The following PTCHD4 variants were observed in gnomAD, a reference collection of about 807,000 sequenced individuals.
PTCHD4 encodes patched domain-containing protein 4.
PTCHD4 carries 33 observed loss-of-function variants against 58.1 expected under a neutral mutation model. The ratio of observed to expected loss-of-function variants is 0.57; its 90% CI spans 0.43 to 0.76. The LOEUF is 0.76. Ranked by LOEUF, PTCHD4 falls within the 30% of genes least tolerant of loss-of-function variation. PTCHD4 has a pLI of 0.00. For missense variants in PTCHD4, 1,058 were observed against 1,027.1 expected (o/e 1.03, Z -0.41); for synonymous variants, 478 against 409.6 (o/e 1.17, Z -2.02).
intron 4 of PTCHD4, among the ~76,000 whole-genome samples, chr6:47,963,640 A>G (rs1481268210): frequency 2.6e-5 from 4 of 152,200 alleles, no homozygotes; most frequent in Non-Finnish European, 4.4e-5. Context: ...ACACAATGAT[A>G]TACTATTCAG....
chr6:47,947,984 G>C (rs560919266), intron 4 of PTCHD4, among the ~76,000 whole-genome samples: 1 of 152,154 alleles, frequency 6.6e-6, no homozygotes, highest in Non-Finnish European at 1.5e-5. Context: ...TCAAAGTGCA[G>C]TGTTCAATAA....
In PTCHD4 at chr6:47,907,254, G is replaced by C. The variant is rs539200293; in HGVS notation, c.899-27318C>G. Among the ~76,000 whole-genome samples the C allele has an allele frequency of 5.9e-5, 9 of 152,212 alleles. No homozygotes were observed. The South Asian group carries it at 1.9e-3, about 32-fold the overall frequency. ...ATTTCCTGAGATTCTGCAGCCAAAT[G>C]GTCTTGGTATTATTTTACATTAGTC... On this transcript the variant is annotated intron_variant, in intron 4 of 4. Coordinates refer to ENST00000339488, the MANE Select transcript of PTCHD4 (RefSeq NM_001384253.1).
intron 4 of PTCHD4, among the ~76,000 whole-genome samples, chr6:47,918,220 T>C (rs1302490269): frequency 9.2e-6 from 1 of 108,194 alleles, no homozygotes; most frequent in African/African-American, 3.0e-5. Context: ...ATTTTGTGCA[T>C]ATTACTGTAT....
rs748007658 is a variant in PTCHD4, at chr6:47,879,466, T to G, written c.1369A>C (p.Asn457His). Reference sequence around the variant, plus strand: ...ACAACAAATGGCTTCACATATATATTGGTAATCCATTCATTATAATGTTCA... The same window carrying G: ...ACAACAAATGGCTTCACATATATATGGGTAATCCATTCATTATAATGTTCA... ...LREHYNEWIT[N>H]IYVKPFVVIL... is the part of the protein sequence containing the mutation. The change falls in exon 5 of 5, where the codon AAT becomes CAT. Residue 457 changes from asparagine to histidine, a missense_variant. By Grantham distance (68) the Asn-to-His change is moderately conservative (BLOSUM62 1). Coordinates refer to ENST00000339488, the MANE Select transcript of PTCHD4 (RefSeq NM_001384253.1). 3.1e-6 allele frequency: 5 copies of G among 1,613,578 alleles called. No individual in the cohort carries two copies. The highest frequency in any genetic ancestry group is 2.2e-5 in the South Asian group (2 of 91,070).
At chr6:47,951,816 T>G (rs1766663901) in intron 4 of PTCHD4, among the ~76,000 whole-genome samples, 1 of 151,808 alleles carries the variant, frequency 6.6e-6, no homozygotes, top group African/African-American at 2.4e-5. Flanking sequence ...CATATGAATA[T>G]ATTACAATAA....
intron 3 of PTCHD4, among the ~76,000 whole-genome samples, chr6:48,066,013 C>A (rs886345605): frequency 2.6e-5 from 4 of 152,116 alleles, no homozygotes; most frequent in African/African-American, 9.7e-5. Flanking sequence ...CTGTTATAGG[C>A]CTAGCATGGT....
At chr6:48,047,513 G>T (rs138442179) in intron 3 of PTCHD4, among the ~76,000 whole-genome samples, 1 of 151,892 alleles carries the variant, frequency 6.6e-6, no homozygotes, top group African/African-American at 2.4e-5. Flanking sequence ...AGATCATTCA[G>T]CATTGTAAAT....
At chr6:47,971,639 G>A (rs758253920) in intron 4 of PTCHD4, among the ~76,000 whole-genome samples, 2 of 152,102 alleles carry the variant, frequency 1.3e-5, no homozygotes, top group Non-Finnish European at 2.9e-5. Context: ...GTGTGAGGAT[G>A]GAATAAAAAC....
intron 4 of PTCHD4, among the ~76,000 whole-genome samples, chr6:47,952,346 T>G (rs1766686452): frequency 6.6e-6 from 1 of 152,138 alleles, no homozygotes; most frequent in African/African-American, 2.4e-5. Context: ...TCTGTAATTT[T>G]TTGTTGTCGG....
chr6:48,012,765 A>G (rs112080672), intron 3 of PTCHD4, among the ~76,000 whole-genome samples: 12,664 of 152,126 alleles, frequency 0.083, 664 homozygotes, highest in African/African-American at 0.14. Flanking sequence ...CCTAGTTTTC[A>G]AAAGTTTTTA....
At chr6:47,943,653 T>C (rs1379990002) in intron 4 of PTCHD4, among the ~76,000 whole-genome samples, 1 of 152,098 alleles carries the variant, frequency 6.6e-6, no homozygotes, top group Non-Finnish European at 1.5e-5. Context: ...TATTGGAACA[T>C]AGCCAAACTC....
intron 4 of PTCHD4, among the ~76,000 whole-genome samples, chr6:47,932,905 T>A (rs1351700187): frequency 6.6e-6 from 1 of 152,228 alleles, no homozygotes; most frequent in Non-Finnish European, 1.5e-5. Context: ...CTAAATTAGT[T>A]GGTATATGTG....
intron 4 of PTCHD4, among the ~76,000 whole-genome samples, chr6:47,933,526 CA>C (rs1205340859): frequency 2.0e-5 from 3 of 152,048 alleles, no homozygotes; most frequent in African/African-American, 7.2e-5. Flanking sequence ...AATAAGGAAC[CA>C]AAAACATTTT....
rs147037076 is a variant in PTCHD4 at position 47,910,672 on chromosome 6, C to T, written c.899-30736G>A. ...ATCTCTGGTATGGCATCATTATAGC[C>T]CTCCCTCCTGAATCTTAGTATCCAC... is the stretch of plus-strand genomic sequence containing the variant. On this transcript the variant is annotated intron_variant, in intron 4 of 4. Coordinates refer to ENST00000339488, the MANE Select transcript of PTCHD4 (RefSeq NM_001384253.1). Among the ~76,000 whole-genome samples, 74 of 152,034 alleles carry T rather than the reference C, an allele frequency of 4.9e-4. No homozygotes were observed. The East Asian group carries it at 8.3e-3, about 17-fold the overall frequency.
At chr6:47,885,885 C>A (rs1228162150) in intron 4 of PTCHD4, among the ~76,000 whole-genome samples, 2 of 152,154 alleles carry the variant, frequency 1.3e-5, no homozygotes, top group Non-Finnish European at 2.9e-5. Context: ...GTGGCGAGAT[C>A]TCAGCTCCCT....
intron 4 of PTCHD4, among the ~76,000 whole-genome samples, chr6:47,980,615 T>C (rs1358669738): frequency 6.6e-6 from 1 of 152,042 alleles, no homozygotes; most frequent in Non-Finnish European, 1.5e-5. Flanking sequence ...ATCCTTTTCT[T>C]TAAATAAGTT....
chr6:48,040,923 A>G (rs1763823272), intron 3 of PTCHD4, among the ~76,000 whole-genome samples: 1 of 152,084 alleles, frequency 6.6e-6, no homozygotes. Context: ...CATGGATTTG[A>G]AGTACCAAGT....
intron 4 of PTCHD4, among the ~76,000 whole-genome samples, chr6:47,968,633 T>A (rs1409236127): frequency 2.0e-5 from 3 of 152,210 alleles, no homozygotes; most frequent in Non-Finnish European, 4.4e-5. Flanking sequence ...ATCATTTACT[T>A]TTCATACATT....
rs1197548578 is a variant in PTCHD4 at position 47,873,376 on chromosome 6, G to A, written c.*4927C>T. Among the ~76,000 whole-genome samples, 2 of 151,598 alleles carry A rather than the reference G, an allele frequency of 1.3e-5. No homozygotes were observed. The highest frequency in any genetic ancestry group is 3.9e-4 in the East Asian group (2 of 5,140). On this transcript the variant is annotated 3_prime_UTR_variant, in exon 5 of 5. Coordinates refer to ENST00000339488, the MANE Select transcript of PTCHD4 (RefSeq NM_001384253.1). ...GGGCTCATCTCTCAATATCCTTCCA[G>A]TGTCATTTCAAATGTTGCCTGATCT... is the stretch of plus-strand genomic sequence containing the variant.
Sources: allele counts gnomAD v4.1 joint callset (sites outside exome capture counted in the v4.1 genomes callset), GRCh38; gene constraint gnomAD v4.1.1; transcripts MANE v1.5; gene names NCBI Gene and HGNC (gene_info 2026-07-23, HGNC 2026-07-21).